The following NXPE2 variants were observed in gnomAD, a reference collection of about 807,000 sequenced individuals.
The protein encoded by NXPE2 is neurexophilin and PC-esterase domain family member 2, also known as NXPE family member 2.
In NXPE2, 34 loss-of-function variants were observed where a neutral mutation model predicts 34.4. The ratio of observed to expected loss-of-function variants is 0.99; its 90% CI spans 0.75 to 1.31. The LOEUF (loss-of-function observed/expected upper bound fraction) is 1.31. NXPE2 is among the 40% of genes most tolerant of loss of function. NXPE2 has a pLI of 0.00. For missense variants in NXPE2, 649 were observed against 672.5 expected, an observed-to-expected ratio of 0.97 and a Z score of 0.39; for synonymous variants, 235 against 231.3, an observed-to-expected ratio of 1.02 and a Z score of -0.15.
chr11:114,477,985 T>G, the NXPE2 span, among the ~76,000 whole-genome samples: 1 of 152,108 alleles, frequency 6.6e-6, no homozygotes, highest in Non-Finnish European at 1.5e-5. Flanking sequence ...CATCCCTCAG[T>G]GTTGCATGGA....
At chr11:114,659,451 AG>A in the NXPE2 span, among the ~76,000 whole-genome samples, 1 of 151,878 alleles carries the variant, frequency 6.6e-6, no homozygotes, top group African/African-American at 2.4e-5. Context: ...AGAGAAAAAA[AG>A]AGTGAAGAAA....
At chr11:114,645,872 G>T in the NXPE2 span, among the ~76,000 whole-genome samples, 1 of 152,104 alleles carries the variant, frequency 6.6e-6, no homozygotes, top group African/African-American at 2.4e-5. Context: ...ATAATTTGTT[G>T]ATAAGTATTT....
intron 2 of NXPE2, among the ~76,000 whole-genome samples, chr11:114,681,623 C>T (rs1413969542): frequency 1.3e-5 from 2 of 152,116 alleles, no homozygotes; most frequent in South Asian, 4.1e-4. Context: ...CCCACTCCCA[C>T]CTCTTAGCAT....
chr11:114,465,678 A>G, the NXPE2 span, among the ~76,000 whole-genome samples: 1 of 152,124 alleles, frequency 6.6e-6, no homozygotes, highest in African/African-American at 2.4e-5. Context: ...TTCCATAGTT[A>G]TTTATTTTAC....
downstream of NXPE2, among the ~76,000 whole-genome samples, chr11:114,708,260 A>C (rs969426159): frequency 6.6e-6 from 1 of 152,140 alleles, no homozygotes; most frequent in Non-Finnish European, 1.5e-5. Context: ...TTCAAAACCC[A>C]CAGGCTCATT....
At chr11:114,611,393 ACT>A in the NXPE2 span, among the ~76,000 whole-genome samples, 1 of 152,014 alleles carries the variant, frequency 6.6e-6, no homozygotes, top group East Asian at 1.9e-4. Context: ...GTGGGTAACC[ACT>A]GTTTCCCAGT....
At chr11:114,721,826 T>C in the NXPE2 span, among the ~76,000 whole-genome samples, 3 of 152,174 alleles carry the variant, frequency 2.0e-5, no homozygotes, top group Admixed American at 1.3e-4. Flanking sequence ...GATTTGAGCA[T>C]GGGTCTCAGT....
rs374210081 is a variant in NXPE2 at position 114,698,176 on chromosome 11, G to A, written c.264G>A (p.Met88Ile). ...KETELRIKDIMEKLDQQIPPR... is the reference protein window; with the variant it reads ...KETELRIKDIIEKLDQQIPPR... ...CTGAACTTAGAATAAAGGACATTAT[G>A]GAGAAACTAGACCAGCAGATCCCAC... is the stretch of plus-strand genomic sequence containing the variant. The change falls in exon 3 of 6, where the codon ATG (methionine) becomes ATA (isoleucine). Residue 88 changes from methionine to isoleucine, a missense_variant. Physicochemically the swap from Met to Ile is conservative, Grantham distance 10 (BLOSUM62 1). Coordinates refer to ENST00000389586, the MANE Select transcript of NXPE2 (RefSeq NM_182495.6). 1 of 1,614,060 alleles carries A rather than the reference G, an allele frequency of 6.2e-7. No homozygotes were observed. The highest frequency in any genetic ancestry group is 1.3e-5 in the African/African-American group (1 of 74,934).
the NXPE2 span, among the ~76,000 whole-genome samples, chr11:114,555,679 A>G: frequency 2.0e-5 from 3 of 152,186 alleles, no homozygotes; most frequent in African/African-American, 7.2e-5. Flanking sequence ...CCCGCTGCCC[A>G]TGCCTAACGT....
the NXPE2 span, among the ~76,000 whole-genome samples, chr11:114,610,477 C>T: frequency 6.6e-6 from 1 of 151,712 alleles, no homozygotes; most frequent in Non-Finnish European, 1.5e-5. Flanking sequence ...TCTAGGGTAA[C>T]CACTGTTACC....
chr11:114,739,445 T>TCCTC, the NXPE2 span, among the ~76,000 whole-genome samples: 5 of 140,356 alleles, frequency 3.6e-5, no homozygotes, highest in South Asian at 5.1e-4. Context: ...CTTCCTACCT[T>TCCTC]CCTCCCTCCC....
chr11:114,602,607 ATAAT>A, the NXPE2 span, among the ~76,000 whole-genome samples: 3 of 141,016 alleles, frequency 2.1e-5, no homozygotes, highest in East Asian at 4.2e-4. Flanking sequence ...TTCATATATA[ATAAT>A]TATCTCATAT....
chr11:114,681,121 C>T (rs768829389), intron 2 of NXPE2, among the ~76,000 whole-genome samples: 28 of 152,320 alleles, frequency 1.8e-4, no homozygotes, highest in South Asian at 4.1e-4. Context: ...TCAAGTCTAT[C>T]CTTTTTTTCT....
the NXPE2 span, among the ~76,000 whole-genome samples, chr11:114,736,662 A>G: frequency 1.7e-4 from 26 of 150,304 alleles, no homozygotes; most frequent in African/African-American, 6.5e-4. Flanking sequence ...AGCTTACAAG[A>G]TGACAGGATT....
chr11:114,752,166 G>A, the NXPE2 span, among the ~76,000 whole-genome samples: 1 of 152,230 alleles, frequency 6.6e-6, no homozygotes, highest in Non-Finnish European at 1.5e-5. Context: ...ATATTTCAGG[G>A]AAGAACTTCC....
the NXPE2 span, among the ~76,000 whole-genome samples, chr11:114,725,974 A>ATATATATATATATATATATATAT: frequency 3.7e-4 from 12 of 32,828 alleles, no homozygotes; most frequent in East Asian, 1.4e-3. Flanking sequence ...TAATAAAAAA[A>ATATATATATATATATATATATAT]AAATATATAT....
the NXPE2 span, among the ~76,000 whole-genome samples, chr11:114,786,829 C>T: frequency 2.6e-5 from 4 of 151,812 alleles, no homozygotes; most frequent in African/African-American, 9.7e-5. Context: ...CCCCCCCATG[C>T]AAGCCCCACG....
the NXPE2 span, among the ~76,000 whole-genome samples, chr11:114,756,289 T>A: frequency 6.6e-6 from 1 of 152,246 alleles, no homozygotes; most frequent in East Asian, 1.9e-4. Context: ...TGGGCACAGG[T>A]CCCAGCCTTG....
At chr11:114,639,681 T>C in the NXPE2 span, among the ~76,000 whole-genome samples, 2 of 140,926 alleles carry the variant, frequency 1.4e-5, no homozygotes. Flanking sequence ...ATATGTAATA[T>C]ATTGTATCTA....
Sources: gnomAD v4.1 joint callset for allele counts (sites outside exome capture counted in the v4.1 genomes callset) on GRCh38, gnomAD v4.1.1 for gene constraint, MANE v1.5 for transcripts, NCBI Gene and HGNC (gene_info 2026-07-23, HGNC 2026-07-21) for gene names.